Variants in COL22A1 observed in about 807,000 individuals in gnomAD.
The protein encoded by COL22A1 is collagen type XXII alpha 1 chain.
Under a neutral mutation model 248.9 loss-of-function variants are expected in COL22A1, and 221 were observed. That is an observed-to-expected ratio of 0.89 (90% confidence interval 0.80 to 0.99). The LOEUF is 0.99. COL22A1 is among the 50% of genes least tolerant of loss of function. The pLI is 0.00. For missense variants in COL22A1, 2,240 were observed against 2,179.0 expected, an observed-to-expected ratio of 1.03 and a Z score of -0.56; for synonymous variants, 891 against 793.4, an observed-to-expected ratio of 1.12 and a Z score of -2.07.
intron 30 of COL22A1, among the ~76,000 whole-genome samples, chr8:138,708,917 C>T (rs1267797685): frequency 2.1e-5 from 3 of 145,750 alleles, no homozygotes; most frequent in Non-Finnish European, 4.5e-5. Context: ...CCAGAATCTA[C>T]AAAGAACTTA....
chr8:138,771,585 A>G lies in COL22A1; in HGVS notation c.1803+4381T>C, dbSNP rs539470401. Among the ~76,000 whole-genome samples, 14 of 152,342 alleles carry G rather than the reference A, an allele frequency of 9.2e-5. No homozygotes were observed. In the East Asian group the frequency reaches 1.9e-3, roughly 21 times the overall value. On this transcript the variant is annotated intron_variant, in intron 16 of 64. Transcript: ENST00000303045. The stretch of plus-strand genomic sequence containing the variant: ...CAAAAGCTTGCTGGAAAAACGTCCA[A>G]CGCTACATGGAAAAAAGCCTGTTGC...
intron 51 of COL22A1, 116 bp downstream of exon 51, chr8:138,626,074 C>G (rs1820211197): frequency 1.3e-6 from 1 of 749,716 alleles, no homozygotes; most frequent in African/African-American, 1.8e-5. Context: ...TTCTACAACA[C>G]TCAAAATTCT....
In COL22A1 at chr8:138,646,612, T is replaced by A. The variant is rs1453637151; in HGVS notation, c.3501+17A>T. On this transcript the variant is annotated intron_variant, in intron 47 of 64. Coordinates refer to ENST00000303045, the MANE Select transcript of COL22A1 (RefSeq NM_152888.3). ...AGCAGAATAGATCCATGCAGATGGT[T>A]ATGAAGTCTCACTGACCTGTGGTCC... is the stretch of plus-strand genomic sequence containing the variant. 2.5e-6 allele frequency: 4 copies of A among 1,568,834 alleles called. No individual in the cohort carries two copies. Among genetic ancestry groups the A allele is most frequent in the Non-Finnish European group, 3.5e-6 (4 of 1,154,452 alleles).
chr8:138,658,579 C>G (rs950045565), intron 44 of COL22A1, among the ~76,000 whole-genome samples: 1 of 152,200 alleles, frequency 6.6e-6, no homozygotes, highest in Non-Finnish European at 1.5e-5. Flanking sequence ...GTCTGCACAA[C>G]TTCACTGGGA....
chr8:138,664,970 G>T (rs923933310), intron 41 of COL22A1, among the ~76,000 whole-genome samples: 6 of 152,110 alleles, frequency 3.9e-5, no homozygotes, highest in Admixed American at 3.9e-4. Context: ...TCTCCCTGTA[G>T]CACAGCCCAC....
At chr8:138,826,847 C>G in intron 5 of COL22A1, 66 bp from the exon 6 acceptor site, 1 of 1,580,316 alleles carries the variant, frequency 6.3e-7, no homozygotes, top group Non-Finnish European at 8.6e-7. Flanking sequence ...CAAAGTGAGC[C>G]CACACAACCC....
intron 27 of COL22A1, among the ~76,000 whole-genome samples, chr8:138,717,439 G>A (rs1408727155): frequency 2.6e-5 from 4 of 152,034 alleles, no homozygotes; most frequent in South Asian, 2.1e-4. Flanking sequence ...GAGCCACTGC[G>A]CCCGGCCAGA....
At chr8:138,911,537 C>A (rs1200251178) in intron 1 of COL22A1, among the ~76,000 whole-genome samples, 14 of 152,206 alleles carry the variant, frequency 9.2e-5, no homozygotes, top group Admixed American at 9.2e-4. Flanking sequence ...AGCGGATGAC[C>A]AGAGGGCACA....
At chr8:138,804,816 G>C (rs1038495233) in intron 10 of COL22A1, among the ~76,000 whole-genome samples, 2 of 150,866 alleles carry the variant, frequency 1.3e-5, no homozygotes, top group African/African-American at 4.9e-5. Flanking sequence ...GATGGGATGT[G>C]TGTGTGATAT....
At chr8:138,612,110 A>T (rs536780196) in intron 56 of COL22A1, among the ~76,000 whole-genome samples, 1 of 150,318 alleles carries the variant, frequency 6.7e-6, no homozygotes, top group East Asian at 2.0e-4. Flanking sequence ...ATATTTTAAA[A>T]GATACACAAA....
In COL22A1 at chr8:138,650,050, T is replaced by C. The variant is rs189825456; in HGVS notation, c.3334-272A>G. On this transcript the variant is annotated intron_variant, in intron 45 of 64. Transcript: ENST00000303045. Reference sequence around the variant, plus strand: ...TTCCCCCTATTTCCACCCAGACTTCTGGAAGGATAGCCTGAGGAAATGATG... The same window carrying C: ...TTCCCCCTATTTCCACCCAGACTTCCGGAAGGATAGCCTGAGGAAATGATG... 2.8e-3 allele frequency among the ~76,000 whole-genome samples: 434 copies of C among 152,344 alleles called. 1 individual carries two copies. The highest frequency in any genetic ancestry group is 9.3e-3 in the African/African-American group (385 of 41,578).
chr8:138,697,607 G>A (rs1244090056), intron 32 of COL22A1, among the ~76,000 whole-genome samples: 1 of 152,186 alleles, frequency 6.6e-6, no homozygotes, highest in East Asian at 1.9e-4. Context: ...ATCCCCAGGA[G>A]CCTCCTCAGT....
Position 138,732,424 on chromosome 8 carries a change from A to T in COL22A1, c.2139+5100T>A, listed in dbSNP as rs75122952. Among the ~76,000 whole-genome samples the T allele has an allele frequency of 9.2e-3, 1,405 of 152,366 alleles. 8 individuals are homozygous for T. The highest frequency in any genetic ancestry group is 0.021 in the Admixed American group (316 of 15,300). On this transcript the variant is annotated intron_variant, in intron 23 of 64. Transcript: ENST00000303045. ...CCTGGGTCAAATCCCAGGTGGCCTC[A>T]TACTATGTCAATGGACTTGGACAAT...
intron 47 of COL22A1, among the ~76,000 whole-genome samples, chr8:138,646,205 T>C (rs1457189079): frequency 1.3e-5 from 2 of 152,208 alleles, no homozygotes; most frequent in African/African-American, 4.8e-5. Context: ...CAGTGCTCGC[T>C]TGCATTCAAA....
chr8:138,854,407 T>G (rs1387742069), intron 3 of COL22A1, among the ~76,000 whole-genome samples: 1 of 152,168 alleles, frequency 6.6e-6, no homozygotes, highest in Non-Finnish European at 1.5e-5. Context: ...CCTGAAGGAT[T>G]TTGACATTCC....
rs770528094 is a variant in COL22A1, at chr8:138,760,213, A to G, written c.1902+30T>C. 5 of 1,542,610 alleles carry G rather than the reference A, an allele frequency of 3.2e-6. No homozygotes were observed. The South Asian group carries it at 3.6e-5, about 11-fold the overall frequency. ...CCCCGCACCTGCCTGCCCAGGGCAC[A>G]GAGCCCTTGACAGCCCCAGGCTCGC... is the stretch of plus-strand genomic sequence containing the variant. On this transcript the variant is annotated intron_variant, in intron 18 of 64. Coordinates refer to ENST00000303045, the MANE Select transcript of COL22A1 (RefSeq NM_152888.3).
chr8:138,804,809 G>C (rs958349394), intron 10 of COL22A1, among the ~76,000 whole-genome samples: 6 of 145,558 alleles, frequency 4.1e-5, no homozygotes, highest in Non-Finnish European at 9.0e-5. Context: ...TGTGTGTGAT[G>C]GGATGTGTGT....
At chr8:138,633,738 G>A (rs1363477148) in intron 49 of COL22A1, among the ~76,000 whole-genome samples, 1 of 152,120 alleles carries the variant, frequency 6.6e-6, no homozygotes. Flanking sequence ...ATTGTCAGAT[G>A]CTACAAAATC....
intron 18 of COL22A1, among the ~76,000 whole-genome samples, chr8:138,756,368 T>G (rs1384128334): frequency 1.3e-5 from 2 of 152,132 alleles, no homozygotes; most frequent in Non-Finnish European, 2.9e-5. Context: ...TGCCTCCTCC[T>G]CCTTGGCCTC....
Sources: gnomAD v4.1 joint callset for allele counts (sites outside exome capture counted in the v4.1 genomes callset) on GRCh38, gnomAD v4.1.1 for gene constraint, MANE v1.5 for transcripts, NCBI Gene and HGNC (gene_info 2026-07-23, HGNC 2026-07-21) for gene names.